Variants in IMPG1 observed in about 807,000 individuals in gnomAD.
IMPG1 encodes the protein interphotoreceptor matrix proteoglycan 1.
In IMPG1, 85 loss-of-function variants were observed where a neutral mutation model predicts 92.0. The ratio of observed to expected loss-of-function variants is 0.92; its 90% CI spans 0.78 to 1.11. The LOEUF (loss-of-function observed/expected upper bound fraction) is 1.11. Ranked by LOEUF, IMPG1 falls within the 50% of genes least tolerant of loss-of-function variation. The pLI is 0.00. For missense variants in IMPG1, 1,022 were observed against 956.0 expected, an observed-to-expected ratio of 1.07 and a Z score of -0.91; for synonymous variants, 367 against 334.1, an observed-to-expected ratio of 1.10 and a Z score of -1.08.
intron 2 of IMPG1, 70 bp downstream of exon 2, chr6:76,041,823 A>C: frequency 9.7e-7 from 1 of 1,027,170 alleles, no homozygotes; most frequent in Non-Finnish European, 1.5e-6. Context: ...GGCTAAAGAC[A>C]ACCTATGGAT....
chr6:75,929,882 A>G (rs938908558), intron 15 of IMPG1, among the ~76,000 whole-genome samples: 2 of 152,144 alleles, frequency 1.3e-5, no homozygotes, highest in African/African-American at 4.8e-5. Flanking sequence ...TGTCACACAC[A>G]GGACCATTTG....
At chr6:76,056,938 A>G (rs538703466) in intron 1 of IMPG1, among the ~76,000 whole-genome samples, 1 of 152,334 alleles carries the variant, frequency 6.6e-6, no homozygotes, top group Non-Finnish European at 1.5e-5. Flanking sequence ...AATGTGGTAC[A>G]TATACACCAT....
chr6:76,064,977 T>A (rs1784282972), intron 1 of IMPG1, among the ~76,000 whole-genome samples: 1 of 151,884 alleles, frequency 6.6e-6, no homozygotes, highest in African/African-American at 2.4e-5. Context: ...TCATATAGAG[T>A]CATTGCCAGT....
intron 7 of IMPG1, among the ~76,000 whole-genome samples, chr6:76,018,413 T>C (rs1300811134): frequency 6.6e-6 from 1 of 152,204 alleles, no homozygotes; most frequent in Non-Finnish European, 1.5e-5. Flanking sequence ...ATGAATTGTT[T>C]ATTTCTGGAA....
chr6:76,031,670 C>T (rs575874490), intron 4 of IMPG1, among the ~76,000 whole-genome samples: 4 of 152,270 alleles, frequency 2.6e-5, no homozygotes, highest in Non-Finnish European at 4.4e-5. Context: ...CACTTATAGC[C>T]TAGACAGTTT....
At chr6:76,066,163 A>G (rs1237865276) in intron 1 of IMPG1, among the ~76,000 whole-genome samples, 1 of 152,166 alleles carries the variant, frequency 6.6e-6, no homozygotes, top group Non-Finnish European at 1.5e-5. Flanking sequence ...TACACAACTG[A>G]GACTACAAAG....
intron 5 of IMPG1, chr6:76,024,979 G>C (rs1035378118): frequency 1.7e-6 from 1 of 599,352 alleles, no homozygotes; most frequent in Non-Finnish European, 3.1e-6. Flanking sequence ...CAAACTGTAA[G>C]ATATTGAATG....
intron 1 of IMPG1, among the ~76,000 whole-genome samples, chr6:76,066,405 A>G (rs762441678): frequency 2.4e-4 from 36 of 152,110 alleles, no homozygotes; most frequent in Non-Finnish European, 1.2e-4. Context: ...AGTGGGAAGG[A>G]GTAGCTATAG....
intron 2 of IMPG1, among the ~76,000 whole-genome samples, chr6:76,040,318 C>T (rs567454469): frequency 1.3e-5 from 2 of 152,150 alleles, no homozygotes; most frequent in Non-Finnish European, 2.9e-5. Context: ...CCAGTGAATC[C>T]TATTTGTGAA....
chr6:75,947,666 G>A, intron 13 of IMPG1, 133 bp from the exon 14 acceptor site: 1 of 669,862 alleles, frequency 1.5e-6, no homozygotes. Context: ...TTTTGTTTTT[G>A]GATTTAATGT....
chr6:75,974,337 T>TTCTTTC, intron 12 of IMPG1, among the ~76,000 whole-genome samples: 1 of 68,898 alleles, frequency 1.5e-5, no homozygotes, highest in East Asian at 4.8e-4. Context: ...TTCCCTTTCT[T>TTCTTTC]TCTTTCTTTC....
chr6:75,934,983 G>A (rs1462407970), intron 14 of IMPG1: 4 of 471,276 alleles, frequency 8.5e-6, no homozygotes, highest in Non-Finnish European at 1.8e-5. Flanking sequence ...CAAGGTTTCA[G>A]CTCAGCTTGC....
At chr6:75,937,095 A>T (rs770269458) in intron 14 of IMPG1, among the ~76,000 whole-genome samples, 121 of 152,214 alleles carry the variant, frequency 7.9e-4, no homozygotes, top group South Asian at 2.9e-3. Flanking sequence ...ACCCCAGGAG[A>T]CAGGGCCAGG....
intron 12 of IMPG1, among the ~76,000 whole-genome samples, chr6:75,972,832 A>G (rs912255329): frequency 1.5e-4 from 23 of 152,346 alleles, no homozygotes; most frequent in African/African-American, 5.5e-4. Context: ...CTAGAGTTGC[A>G]TTTATGGCTA....
intron 14 of IMPG1, among the ~76,000 whole-genome samples, chr6:75,935,840 G>A (rs1781735884): frequency 6.6e-6 from 1 of 152,216 alleles, no homozygotes; most frequent in East Asian, 1.9e-4. Flanking sequence ...TAGTCATGAA[G>A]GCAAAGGGCC....
chr6:75,943,066 T>C (rs1781860893), intron 14 of IMPG1, among the ~76,000 whole-genome samples: 2 of 152,130 alleles, frequency 1.3e-5, no homozygotes, highest in South Asian at 4.2e-4. Flanking sequence ...TTTAGTACTG[T>C]CTCCTCCCTG....
chr6:76,018,806 A>C lies in IMPG1; in HGVS notation c.719T>G (p.Val240Gly). The change falls in exon 7 of 17, where the codon GTC becomes GGC. Residue 240 changes from valine to glycine, a missense_variant. Physicochemically the swap from Val to Gly is moderately radical, Grantham distance 109. Transcript: ENST00000369950. Reference protein sequence around the residue: ...VLEEQRVELSVSLVNQKFKAE... With the variant: ...VLEEQRVELSGSLVNQKFKAE... The stretch of plus-strand genomic sequence containing the variant: ...CTTGAACTTCTGGTTTACCAGAGAG[A>C]CGCTGAGCTCCACCCTCTGCTCCTC... The C allele has an allele frequency of 6.2e-7, 1 of 1,612,702 alleles. No individual in the cohort carries two copies. Among genetic ancestry groups the C allele is most frequent in the Non-Finnish European group, 8.5e-7 (1 of 1,179,282 alleles).
chr6:75,930,199 A>G (rs1324584228), intron 15 of IMPG1, among the ~76,000 whole-genome samples: 2 of 152,212 alleles, frequency 1.3e-5, no homozygotes, highest in Non-Finnish European at 2.9e-5. Flanking sequence ...TCTGTCTGGA[A>G]ATGAAGGAAT....
Position 75,955,248 on chromosome 6 carries a change from T to G in IMPG1, c.1292-4154A>C, listed in dbSNP as rs538292693. Among the ~76,000 whole-genome samples, 3 of 152,346 alleles carry G rather than the reference T, an allele frequency of 2.0e-5. No individual in the cohort carries two copies. In the South Asian group the frequency reaches 6.2e-4, roughly 32 times the overall value. On this transcript the variant is annotated intron_variant, in intron 12 of 16. Coordinates refer to ENST00000369950, the MANE Select transcript of IMPG1 (RefSeq NM_001563.4). The stretch of plus-strand genomic sequence containing the variant: ...TCTTGATTCTTCCTATCCATGAGAA[T>G]GGAATGTTTTTCCGTTTGTTTGTAT...
Sources: allele counts gnomAD v4.1 joint callset (sites outside exome capture counted in the v4.1 genomes callset), GRCh38; gene constraint gnomAD v4.1.1; transcripts MANE v1.5; gene names NCBI Gene and HGNC (gene_info 2026-07-23, HGNC 2026-07-21).